Variants in ZNF451 observed in about 807,000 individuals in gnomAD.
The protein encoded by ZNF451 is zinc finger protein 451, also known as E3 SUMO-protein ligase ZNF451.
Under a neutral mutation model 107.1 loss-of-function variants are expected in ZNF451, and 80 were observed. The observed-to-expected ratio is 0.75, with a 90% confidence interval of 0.62 to 0.90. ZNF451 has a LOEUF of 0.90. Among genes scored for constraint, ZNF451 ranks in the 40% least tolerant of loss-of-function variants. The probability of loss-of-function intolerance (pLI) is 0.00; values close to 1 mark genes in which losing one functional copy is unlikely to be tolerated. For synonymous variants in ZNF451, 362 were observed against 406.5 expected (o/e 0.89, Z 1.32); for missense variants, 1,107 against 1,236.2 (o/e 0.90, Z 1.57).
chr6:57,092,154 T>G (rs368977698), intron 2 of ZNF451, among the ~76,000 whole-genome samples: 4 of 152,340 alleles, frequency 2.6e-5, no homozygotes, highest in South Asian at 4.1e-4. Flanking sequence ...TTTTTTCTTA[T>G]GGTGTTTAGT....
At chr6:57,114,359 A>G (rs1830262776) in intron 3 of ZNF451, among the ~76,000 whole-genome samples, 1 of 152,230 alleles carries the variant, frequency 6.6e-6, no homozygotes, top group Non-Finnish European at 1.5e-5. Context: ...ATACAAAATC[A>G]GACATGCTTT....
At chr6:57,109,526 G>A in intron 3 of ZNF451, 1 of 985,344 alleles carries the variant, frequency 1.0e-6, no homozygotes, top group Non-Finnish European at 1.2e-6. Flanking sequence ...AAGTAATTGT[G>A]CTGTTTCTAT....
intron 10 of ZNF451, 45 bp from the exon 11 acceptor site, chr6:57,150,674 T>A: frequency 6.5e-7 from 1 of 1,542,740 alleles, no homozygotes; most frequent in Non-Finnish European, 8.7e-7. Flanking sequence ...AGAATGATTT[T>A]AGCAAATTCT....
At chr6:57,100,472 T>C in intron 3 of ZNF451, 1 of 1,111,668 alleles carries the variant, frequency 9.0e-7, no homozygotes, top group Non-Finnish European at 1.2e-6. Flanking sequence ...GATTGTATCT[T>C]TCACTGTTAA....
At chr6:57,104,794 A>T in intron 3 of ZNF451, 1 of 985,302 alleles carries the variant, frequency 1.0e-6, no homozygotes, top group South Asian at 4.7e-5. Context: ...ATCCTTTCTT[A>T]GTTACTCTAA....
chr6:57,160,307 GTCTTT>G (rs755111158), intron 13 of ZNF451, among the ~76,000 whole-genome samples: 47 of 149,238 alleles, frequency 3.1e-4, no homozygotes, highest in African/African-American at 8.2e-4. Context: ...CCCCTCCCCT[GTCTTT>G]TCTTTTCTTT....
At chr6:57,122,965 AG>A (rs2127958260) in intron 3 of ZNF451, among the ~76,000 whole-genome samples, 1 of 152,206 alleles carries the variant, frequency 6.6e-6, no homozygotes, top group African/African-American at 2.4e-5. Flanking sequence ...ACTTGATCCT[AG>A]GAGTTTGAGA....
chr6:57,128,281 A>G (rs1562608216), intron 4 of ZNF451, among the ~76,000 whole-genome samples: 1 of 152,172 alleles, frequency 6.6e-6, no homozygotes, highest in Non-Finnish European at 1.5e-5. Flanking sequence ...AGGTAGCCTT[A>G]ATAACTTTTA....
intron 4 of ZNF451, among the ~76,000 whole-genome samples, chr6:57,125,838 T>TAC (rs148882080): frequency 0.16 from 24,192 of 152,008 alleles, 2,507 homozygotes; most frequent in Non-Finnish European, 0.23. Flanking sequence ...ATTGCATATA[T>TAC]ACACACACAC....
At chr6:57,095,892 C>T (rs558404998) in intron 2 of ZNF451, among the ~76,000 whole-genome samples, 2 of 150,932 alleles carry the variant, frequency 1.3e-5, no homozygotes, top group African/African-American at 4.9e-5. Flanking sequence ...GGCGTGATCT[C>T]AGCTCTCTGC....
At chr6:57,104,700 C>T (rs1299587341) in intron 3 of ZNF451, 2 of 985,252 alleles carry the variant, frequency 2.0e-6, no homozygotes, top group Non-Finnish European at 2.4e-6. Flanking sequence ...TGCGCAGCTC[C>T]TCCATTCTTA....
Position 57,148,180 on chromosome 6 carries a change from GA to G in ZNF451, c.2101del (p.Thr701LeufsTer13). On this transcript the variant is annotated frameshift_variant, in exon 10 of 15. Coordinates refer to ENST00000370706, the MANE Select transcript of ZNF451 (RefSeq NM_001031623.3). LOFTEE classifies it high-confidence loss of function. ...CAGCATAGATTATGTATTTGTGTCA[GA>G]AAAAACTGAAACTTCAATTAAAACC... ...HHSIDYVFVSEKTETSIKTED... is the reference protein window; with the variant it reads ...HHSIDYVFVSXKTETSIKTED... 1 of 1,614,022 alleles carries G rather than the reference GA, an allele frequency of 6.2e-7. No homozygotes were observed. The highest frequency in any genetic ancestry group is 8.5e-7 in the Non-Finnish European group (1 of 1,179,974).
At chr6:57,156,622 C>T (rs1163922449) in intron 13 of ZNF451, among the ~76,000 whole-genome samples, 1 of 152,056 alleles carries the variant, frequency 6.6e-6, no homozygotes, top group East Asian at 1.9e-4. Flanking sequence ...CCTCCATCCC[C>T]CAAAATAAAC....
At chr6:57,139,214 G>C (rs1361492831) in intron 7 of ZNF451, among the ~76,000 whole-genome samples, 1 of 152,102 alleles carries the variant, frequency 6.6e-6, no homozygotes, top group African/African-American at 2.4e-5. Context: ...GTGGTGGGGA[G>C]GGAGTAGTGA....
intron 3 of ZNF451, chr6:57,115,605 T>A (rs1830330569): frequency 6.6e-6 from 1 of 152,224 alleles, no homozygotes; most frequent in Non-Finnish European, 1.5e-5. Context: ...TATTTGAGAA[T>A]GTAAGAATTT....
intron 3 of ZNF451, chr6:57,115,957 AAAT>A (rs1026280214): frequency 6.6e-6 from 1 of 152,198 alleles, no homozygotes; most frequent in Non-Finnish European, 1.5e-5. Flanking sequence ...AACTTAAAAA[AAAT>A]AATGATTTTT....
At chr6:57,103,653 T>C in intron 3 of ZNF451, 1 of 985,368 alleles carries the variant, frequency 1.0e-6, no homozygotes, top group South Asian at 4.7e-5. Context: ...AACAGTTGTT[T>C]TTATTGACAG....
chr6:57,101,738 T>C, intron 3 of ZNF451: 1 of 1,550,558 alleles, frequency 6.4e-7, no homozygotes, highest in Non-Finnish European at 8.7e-7. Flanking sequence ...ACTAGGGACA[T>C]AATGGACTCT....
chr6:57,166,633 C>A (rs941814230), intron 14 of ZNF451, among the ~76,000 whole-genome samples: 13 of 152,054 alleles, frequency 8.5e-5, no homozygotes, highest in African/African-American at 3.1e-4. Flanking sequence ...AGTAGCAGTA[C>A]CCTCTAAAAT....
Sources: gnomAD v4.1 joint callset for allele counts (sites outside exome capture counted in the v4.1 genomes callset) on GRCh38, gnomAD v4.1.1 for gene constraint, MANE v1.5 for transcripts, NCBI Gene and HGNC (gene_info 2026-07-23, HGNC 2026-07-21) for gene names.